SVOPL: variants seen among roughly 807,000 people sequenced by gnomAD.
The protein encoded by SVOPL is SVOP like.
In SVOPL, 60 loss-of-function variants were observed where a neutral mutation model predicts 61.0. The observed-to-expected ratio is 0.98, with a 90% CI of 0.80 to 1.22. SVOPL has a LOEUF of 1.22. Among genes scored for constraint, SVOPL ranks in the 50% most tolerant of loss-of-function variants. The pLI is 0.00. For missense variants in SVOPL, 662 were observed against 643.9 expected, an observed-to-expected ratio of 1.03 and a Z score of -0.30; for synonymous variants, 279 against 250.0, an observed-to-expected ratio of 1.12 and a Z score of -1.09.
At chr7:138,669,301 A>G (rs981764322) in intron 4 of SVOPL, among the ~76,000 whole-genome samples, 13 of 152,150 alleles carry the variant, frequency 8.5e-5, no homozygotes, top group African/African-American at 3.1e-4. Flanking sequence ...CTAGCTACTC[A>G]GGAAGCTAAG....
intron 3 of SVOPL, among the ~76,000 whole-genome samples, chr7:138,676,186 T>C (rs142724264): frequency 6.6e-6 from 1 of 152,104 alleles, no homozygotes; most frequent in African/African-American, 2.4e-5. Context: ...AAAGCGGGAG[T>C]AGTGGTGTGG....
chr7:138,638,350 A>C (rs1800606903), intron 9 of SVOPL, among the ~76,000 whole-genome samples: 1 of 152,036 alleles, frequency 6.6e-6, no homozygotes, highest in African/African-American at 2.4e-5. Flanking sequence ...TTAGTAATAA[A>C]AACTGCAAAA....
chr7:138,624,233 T>A (rs1002943994), intron 13 of SVOPL, among the ~76,000 whole-genome samples: 3 of 152,216 alleles, frequency 2.0e-5, no homozygotes, highest in African/African-American at 7.2e-5. Flanking sequence ...ATCTTCAAGT[T>A]AGCCCTTTTT....
At chr7:138,615,023 C>T (rs944168699) in intron 14 of SVOPL, among the ~76,000 whole-genome samples, 1 of 152,108 alleles carries the variant, frequency 6.6e-6, no homozygotes, top group Non-Finnish European at 1.5e-5. Flanking sequence ...TGCTGCAAGC[C>T]TAGGGTAAAT....
chr7:138,633,074 G>A (rs560213431), intron 9 of SVOPL, among the ~76,000 whole-genome samples: 58 of 152,186 alleles, frequency 3.8e-4, no homozygotes, highest in Non-Finnish European at 5.4e-4. Context: ...TGCTTTGCTC[G>A]ATAAGATGTG....
At chr7:138,691,545 CGTT>C (rs1274609064) in intron 1 of SVOPL, among the ~76,000 whole-genome samples, 4 of 152,076 alleles carry the variant, frequency 2.6e-5, no homozygotes, top group South Asian at 2.1e-4. Flanking sequence ...TTGTTGCTGT[CGTT>C]GTTGTTTTTG....
intron 12 of SVOPL, among the ~76,000 whole-genome samples, chr7:138,626,762 C>T (rs1157712094): frequency 6.6e-6 from 1 of 151,788 alleles, no homozygotes; most frequent in African/African-American, 2.4e-5. Context: ...AGGAGGATGG[C>T]TTGAGCCCAG....
At chr7:138,681,336 C>G (rs1176539061) in intron 1 of SVOPL, among the ~76,000 whole-genome samples, 1 of 147,800 alleles carries the variant, frequency 6.8e-6, no homozygotes, top group Non-Finnish European at 1.5e-5. Context: ...ATAATATTAA[C>G]AAATATATTA....
intron 7 of SVOPL, among the ~76,000 whole-genome samples, chr7:138,651,141 G>C (rs1008068221): frequency 3.9e-5 from 6 of 152,074 alleles, no homozygotes; most frequent in African/African-American, 1.4e-4. Flanking sequence ...TTGGAAGGGA[G>C]GTAGGACAGC....
At chr7:138,608,524 C>A (rs1266231977) in intron 14 of SVOPL, among the ~76,000 whole-genome samples, 1 of 152,138 alleles carries the variant, frequency 6.6e-6, no homozygotes, top group East Asian at 1.9e-4. Flanking sequence ...CTGTTTCCGG[C>A]ATTGGACCTC....
In SVOPL at chr7:138,680,738, C is replaced by T. The variant is rs1247877181; in HGVS notation, c.-34-1659G>A. 2.0e-5 allele frequency among the ~76,000 whole-genome samples: 3 copies of T among 152,176 alleles called. No homozygotes were observed. In the South Asian group the frequency reaches 6.2e-4, roughly 32 times the overall value. ...GGACTACAGGCGCCCGCCACCACGCCCGGCTAATTTTTTGTATTTTTAGTA... is the reference window on the plus strand; with the variant it reads ...GGACTACAGGCGCCCGCCACCACGCTCGGCTAATTTTTTGTATTTTTAGTA... On this transcript the variant is annotated intron_variant, in intron 1 of 15. Coordinates refer to ENST00000674285, the MANE Select transcript of SVOPL (RefSeq NM_001139456.2).
chr7:138,621,169 T>A (rs754876143), intron 13 of SVOPL, 34 bp from the exon 14 acceptor site: 2 of 1,594,342 alleles, frequency 1.3e-6, no homozygotes, highest in East Asian at 4.5e-5. Flanking sequence ...ACCAGTCAGA[T>A]AATGTCCGTC....
intron 1 of SVOPL, among the ~76,000 whole-genome samples, chr7:138,696,321 C>A (rs1383656575): frequency 6.6e-6 from 1 of 152,074 alleles, no homozygotes; most frequent in African/African-American, 2.4e-5. Flanking sequence ...ACCTCCTCCT[C>A]CTGGGCTCAA....
At chr7:138,688,275 G>GT (rs112224103) in intron 1 of SVOPL, among the ~76,000 whole-genome samples, 12,067 of 145,770 alleles carry the variant, frequency 0.083, 1,281 homozygotes, top group African/African-American at 0.24. Flanking sequence ...AAATTTTGGG[G>GT]TTTTTTTTTT....
At position 138,678,951 on chromosome 7, in the gene SVOPL, A is replaced by G. The variant is rs1462106344; in HGVS notation, c.82+13T>C. 1.9e-6 allele frequency: 3 copies of G among 1,550,880 alleles called. No homozygotes were observed. The highest frequency in any genetic ancestry group is 1.2e-5 in the South Asian group (1 of 84,012). On this transcript the variant is annotated intron_variant, in intron 2 of 15. Coordinates refer to ENST00000674285, the MANE Select transcript of SVOPL (RefSeq NM_001139456.2). ...GCAGCAGGTTGAGCTGGAGACTTCT[A>G]TGATAATCTCACCTTTAACCTGTGG... is the stretch of plus-strand genomic sequence containing the variant.
chr7:138,628,346 G>A lies in SVOPL; in HGVS notation c.881C>T (p.Ala294Val), dbSNP rs923676620. The change falls in exon 11 of 16, where the codon GCC becomes GTC. Residue 294 changes from alanine to valine, a missense_variant. By Grantham distance (64) the Ala-to-Val change is moderately conservative. Transcript: ENST00000674285. Reference sequence around the variant, plus strand: ...ACTGGCCAGGATAACCCCATAGTAGGCAAAAGAGATTCCAAGCCTGGAAGA... The same window carrying A: ...ACTGGCCAGGATAACCCCATAGTAGACAAAAGAGATTCCAAGCCTGGAAGA... ...IWVIWLGISFAYYGVILASAE... is the reference protein window; with the variant it reads ...IWVIWLGISFVYYGVILASAE... 35 of 1,614,090 alleles carry A rather than the reference G, an allele frequency of 2.2e-5. No homozygotes were observed. Among genetic ancestry groups the A allele is most frequent in the Non-Finnish European group, 2.7e-5 (32 of 1,180,026 alleles).
chr7:138,679,257 TCCC>T (rs898801184), intron 1 of SVOPL, among the ~76,000 whole-genome samples, 178 bp from the exon 2 acceptor site: 3 of 152,144 alleles, frequency 2.0e-5, no homozygotes, highest in African/African-American at 7.2e-5. Flanking sequence ...GTGTTTTTTT[TCCC>T]CTACTACTTT....
intron 9 of SVOPL, among the ~76,000 whole-genome samples, chr7:138,635,104 C>T (rs986985391): frequency 1.3e-5 from 2 of 151,950 alleles, no homozygotes; most frequent in Non-Finnish European, 2.9e-5. Context: ...GAAACCCCAT[C>T]TCTACTAAAA....
At position 138,672,881 on chromosome 7, in the gene SVOPL, G is replaced by C. The variant is rs528055060; in HGVS notation, c.175-764C>G. 1.1e-4 allele frequency among the ~76,000 whole-genome samples: 15 copies of C among 138,402 alleles called. No individual in the cohort carries two copies. The South Asian group carries it at 3.4e-3, about 32-fold the overall frequency. 90.8% of individuals were successfully genotyped at this position (138,402 alleles called of 152,430 possible). A position where few individuals can be genotyped will look rare whatever the true frequency, so the allele number is the denominator to read the frequency against. On this transcript the variant is annotated intron_variant, in intron 3 of 15. Transcript: ENST00000674285. ...ATCCTTTATCCATATTTTGCAATCC[G>C]TTATAGGGATAAGTTTGTCTCTCAA...
Sources: allele counts gnomAD v4.1 joint callset (sites outside exome capture counted in the v4.1 genomes callset), GRCh38; gene constraint gnomAD v4.1.1; transcripts MANE v1.5; gene names NCBI Gene and HGNC (gene_info 2026-07-23, HGNC 2026-07-21).